GKAP1: variants seen among roughly 807,000 people sequenced by gnomAD.
GKAP1 encodes the protein G kinase-anchoring protein 1.
Under a neutral mutation model 56.7 loss-of-function variants are expected in GKAP1, and 31 were observed. The ratio of observed to expected loss-of-function variants is 0.55; its 90% CI spans 0.41 to 0.74. GKAP1 has a LOEUF of 0.74. GKAP1 is among the 30% of genes least tolerant of loss of function. The pLI, the probability that GKAP1 is intolerant of heterozygous loss-of-function variation, is 0.00. For synonymous variants in GKAP1, 151 were observed against 138.6 expected (o/e 1.09, Z -0.63); for missense variants, 364 against 402.3 (o/e 0.90, Z 0.82).
chr9:83,752,845 C>T (rs564375948), intron 9 of GKAP1, among the ~76,000 whole-genome samples: 73 of 152,014 alleles, frequency 4.8e-4, no homozygotes, highest in Admixed American at 1.2e-3. Context: ...CTGGGGTGGG[C>T]GGATCTCTTG....
intron 9 of GKAP1, among the ~76,000 whole-genome samples, chr9:83,752,599 T>C (rs1244288344): frequency 6.6e-6 from 1 of 152,110 alleles, no homozygotes; most frequent in African/African-American, 2.4e-5. Context: ...AGTTTCTGCC[T>C]GGGATGATGA....
At position 83,768,997 on chromosome 9, in the gene GKAP1, ATC is replaced by A; in HGVS notation, c.586-29_586-28del. On this transcript the variant is annotated intron_variant, in intron 7 of 12. Coordinates refer to ENST00000376371, the MANE Select transcript of GKAP1 (RefSeq NM_025211.4). ...TGTCAAAAATGAATTACGATTTACT[ATC>A]ATTCAACATGCACTGATATGCATTT... 1.9e-6 allele frequency: 3 copies of A among 1,584,152 alleles called. No homozygotes were observed. In the South Asian group the frequency reaches 3.3e-5, roughly 18 times the overall value.
rs1023578086 is a variant in GKAP1 at position 83,748,289 on chromosome 9, A to G, written c.904+20T>C. 10 of 1,533,248 alleles carry G rather than the reference A, an allele frequency of 6.5e-6. No homozygotes were observed. The highest frequency in any genetic ancestry group is 5.3e-6 in the Non-Finnish European group (6 of 1,122,176). 95.0% of individuals were successfully genotyped at this position (1,533,248 alleles called of 1,614,324 possible). On this transcript the variant is annotated intron_variant, in intron 10 of 12. Transcript: ENST00000376371. ...TATTTAAGATAAACTTTTAATTACA[A>G]AAACATAAAATCCACTTACTTTCAC...
chr9:83,775,032 G>C (rs972048193), intron 7 of GKAP1, among the ~76,000 whole-genome samples: 2 of 146,630 alleles, frequency 1.4e-5, no homozygotes, highest in Admixed American at 6.8e-5. Flanking sequence ...TTTAAGAGAT[G>C]AAGTCTCACT....
At chr9:83,796,132 A>G (rs1256294635) in intron 4 of GKAP1, among the ~76,000 whole-genome samples, 2 of 152,056 alleles carry the variant, frequency 1.3e-5, no homozygotes, top group African/African-American at 2.4e-5. Flanking sequence ...GGGTCTCACT[A>G]TGTTGCCCAG....
rs985983296 is a variant in GKAP1 at position 83,751,385 on chromosome 9, C to G, written c.840+1873G>C. Among the ~76,000 whole-genome samples, 10 of 152,304 alleles carry G rather than the reference C, an allele frequency of 6.6e-5. No individual in the cohort carries two copies. In the East Asian group the frequency reaches 1.4e-3, roughly 21 times the overall value. On this transcript the variant is annotated intron_variant, in intron 9 of 12. Coordinates refer to ENST00000376371, the MANE Select transcript of GKAP1 (RefSeq NM_025211.4). ...GTTCTTCTGGAGCATTCTGTCATAT[C>G]CTACATTGTACTGCAACTATTTACA...
At chr9:83,803,590 T>A (rs534254208) in intron 3 of GKAP1, among the ~76,000 whole-genome samples, 2 of 152,318 alleles carry the variant, frequency 1.3e-5, no homozygotes, top group Non-Finnish European at 2.9e-5. Flanking sequence ...AGTGGCGTGA[T>A]CTCAGCTCGC....
intron 6 of GKAP1, among the ~76,000 whole-genome samples, chr9:83,783,951 C>T (rs1944019948): frequency 6.6e-6 from 1 of 152,072 alleles, no homozygotes; most frequent in African/African-American, 2.4e-5. Context: ...ACAGTTTTGT[C>T]CCTTCCAAAA....
intron 9 of GKAP1, chr9:83,748,994 T>C (rs114541519): frequency 5.9e-5 from 9 of 152,236 alleles, no homozygotes; most frequent in African/African-American, 2.2e-4. Context: ...ATCACTGTTA[T>C]AATTTTTGGC....
intron 5 of GKAP1, among the ~76,000 whole-genome samples, chr9:83,785,854 C>G (rs1201764329): frequency 6.6e-6 from 1 of 152,154 alleles, no homozygotes; most frequent in Non-Finnish European, 1.5e-5. Flanking sequence ...GTATAAAACC[C>G]AATCTCCTTG....
rs1427543205 is a variant in GKAP1, at chr9:83,782,817, C to T, written c.562+1898G>A. On this transcript the variant is annotated intron_variant, in intron 6 of 12. Transcript: ENST00000376371. ...GAGTAGCTGGGATTACAGGCACACGCCACCACACGCCCACCTACTCTTTGT... is the reference window on the plus strand; with the variant it reads ...GAGTAGCTGGGATTACAGGCACACGTCACCACACGCCCACCTACTCTTTGT... Among the ~76,000 whole-genome samples the T allele has an allele frequency of 4.0e-5, 6 of 150,948 alleles. 1 individual carries two copies. The highest frequency in any genetic ancestry group is 2.0e-4 in the Admixed American group (3 of 15,118).
At chr9:83,784,240 T>A (rs1346703701) in intron 6 of GKAP1, among the ~76,000 whole-genome samples, 1 of 151,620 alleles carries the variant, frequency 6.6e-6, no homozygotes, top group Non-Finnish European at 1.5e-5. Flanking sequence ...GCACTCCAGC[T>A]TGGGCTACAG....
At chr9:83,779,586 C>CATGTATATGTGTATATATATACACAT (rs10636498) in intron 7 of GKAP1, among the ~76,000 whole-genome samples, 3 of 121,920 alleles carry the variant, frequency 2.5e-5, no homozygotes, top group Non-Finnish European at 5.1e-5. Flanking sequence ...TATATATACA[C>CATGTATATGTGTATATATATACACAT]GTATATGTGT....
chr9:83,790,690 G>A (rs1944142422), intron 4 of GKAP1, among the ~76,000 whole-genome samples: 1 of 152,082 alleles, frequency 6.6e-6, no homozygotes, highest in Admixed American at 6.6e-5. Flanking sequence ...GTGCATGCCT[G>A]TAATTCCAGC....
At chr9:83,780,934 A>C (rs114089464) in intron 6 of GKAP1, among the ~76,000 whole-genome samples, 1,547 of 152,324 alleles carry the variant, frequency 0.01, 26 homozygotes, top group African/African-American at 0.035. Flanking sequence ...AAATTGATAT[A>C]TATTTATAGA....
chr9:83,796,880 T>C (rs1944257228), intron 4 of GKAP1, among the ~76,000 whole-genome samples: 1 of 152,260 alleles, frequency 6.6e-6, no homozygotes, highest in Non-Finnish European at 1.5e-5. Flanking sequence ...CCTTGACTTT[T>C]ACAAAACGTT....
rs1005022777 is a variant in GKAP1 at position 83,799,706 on chromosome 9, C to A, written c.217-378G>T. Reference sequence around the variant, plus strand: ...CAGTGGCTCACCCCTCTAATCTTAGCCCATTGGAAGGGTGAAGCAGGTGGA... The same window carrying A: ...CAGTGGCTCACCCCTCTAATCTTAGACCATTGGAAGGGTGAAGCAGGTGGA... On this transcript the variant is annotated intron_variant, in intron 3 of 12. Transcript: ENST00000376371. Among the ~76,000 whole-genome samples the A allele has an allele frequency of 3.3e-5, 5 of 152,110 alleles. No individual in the cohort carries two copies. In the South Asian group the frequency reaches 8.3e-4, roughly 25 times the overall value.
chr9:83,812,489 A>C (rs1944525870), intron 2 of GKAP1, among the ~76,000 whole-genome samples: 1 of 151,150 alleles, frequency 6.6e-6, no homozygotes, highest in Non-Finnish European at 1.5e-5. Flanking sequence ...CTGGGACTAC[A>C]GGCACGTGAC....
intron 4 of GKAP1, among the ~76,000 whole-genome samples, chr9:83,789,403 C>A (rs1944117643): frequency 6.6e-6 from 1 of 152,106 alleles, no homozygotes; most frequent in Non-Finnish European, 1.5e-5. Flanking sequence ...TTGAGTTGTC[C>A]ACTACTGGGC....
Sources: gnomAD v4.1 joint callset for allele counts (sites outside exome capture counted in the v4.1 genomes callset) on GRCh38, gnomAD v4.1.1 for gene constraint, MANE v1.5 for transcripts, NCBI Gene and HGNC (gene_info 2026-07-23, HGNC 2026-07-21) for gene names.